Variants in IFT52 observed in about 807,000 individuals in gnomAD.
IFT52 encodes intraflagellar transport protein 52 homolog.
IFT52 carries 44 observed loss-of-function variants against 54.4 expected under a neutral mutation model. The observed-to-expected ratio is 0.81, with a 90% CI of 0.63 to 1.04. The LOEUF (loss-of-function observed/expected upper bound fraction) is 1.04, where lower values mean the gene tolerates loss of function less well. Ranked by LOEUF, IFT52 falls within the 50% of genes least tolerant of loss-of-function variation. The probability of loss-of-function intolerance (pLI) is 0.00; values close to 1 mark genes in which losing one functional copy is unlikely to be tolerated. For synonymous variants in IFT52, 181 were observed against 185.3 expected, an observed-to-expected ratio of 0.98 and a Z score of 0.19; for missense variants, 452 against 523.6, an observed-to-expected ratio of 0.86 and a Z score of 1.33.
chr20:43,624,451 A>G (rs1021800948), intron 10 of IFT52, among the ~76,000 whole-genome samples: 1 of 152,214 alleles, frequency 6.6e-6, no homozygotes, highest in African/African-American at 2.4e-5. Context: ...GAATGCAGGA[A>G]AAGGAATGAT....
intron 13 of IFT52, among the ~76,000 whole-genome samples, chr20:43,645,961 G>A (rs1379190606): frequency 6.8e-6 from 1 of 146,388 alleles, no homozygotes; most frequent in African/African-American, 2.5e-5. Flanking sequence ...TGTAATCCCA[G>A]CACTTTGGGA....
At chr20:43,612,544 T>C (rs1983538872) in intron 6 of IFT52, among the ~76,000 whole-genome samples, 3 of 151,592 alleles carry the variant, frequency 2.0e-5, no homozygotes, top group South Asian at 2.1e-4. Context: ...AATATAAAAA[T>C]TAGTAGGTGT....
intron 3 of IFT52, among the ~76,000 whole-genome samples, chr20:43,599,234 C>G: frequency 6.6e-6 from 1 of 152,114 alleles, no homozygotes; most frequent in East Asian, 1.9e-4. Context: ...ATCCACCTAG[C>G]GAAGCCAATG....
chr20:43,617,457 T>TTTTGA (rs1202598022), intron 7 of IFT52, among the ~76,000 whole-genome samples: 1 of 152,164 alleles, frequency 6.6e-6, no homozygotes, highest in Admixed American at 6.6e-5. Context: ...TGGTTTTTTT[T>TTTTGA]TTTTGAGACG....
Position 43,645,057 on chromosome 20 carries a change from A to G in IFT52, c.1267-1879A>G, listed in dbSNP as rs1467261745. Among the ~76,000 whole-genome samples the G allele has an allele frequency of 3.6e-5, 2 of 55,256 alleles. 1 individual carries two copies. Among genetic ancestry groups the G allele is most frequent in the Non-Finnish European group, 8.5e-5 (2 of 23,460 alleles). The allele number at this position is 55,256 out of a possible 152,430, so 36.3% of individuals were successfully genotyped here. A position where few individuals can be genotyped will look rare whatever the true frequency, so the allele number is the denominator to read the frequency against. ...GGGAGGCGGAGGTTGCAGTGAGCCA[A>G]GATTGCACCACTGTACTCCAACCTG... On this transcript the variant is annotated intron_variant, in intron 13 of 13. Transcript: ENST00000373030.
In IFT52 at chr20:43,622,105, C is replaced by T. The variant is rs571968666; in HGVS notation, c.768+1180C>T. On this transcript the variant is annotated intron_variant, in intron 9 of 13. Coordinates refer to ENST00000373030, the MANE Select transcript of IFT52 (RefSeq NM_016004.5). The stretch of plus-strand genomic sequence containing the variant: ...CTCTGAAATGTCAGGAAAATGATTT[C>T]CTGGCCATTGGTCATAGGAGGTAGG... Among the ~76,000 whole-genome samples, 83 of 152,248 alleles carry T rather than the reference C, an allele frequency of 5.5e-4. 1 individual carries two copies. Among genetic ancestry groups the T allele is most frequent in the Non-Finnish European group, 1.1e-3 (74 of 68,018 alleles).
intron 10 of IFT52, among the ~76,000 whole-genome samples, chr20:43,634,489 C>A (rs1438940679): frequency 2.0e-5 from 3 of 152,194 alleles, no homozygotes; most frequent in Admixed American, 2.0e-4. Flanking sequence ...AAATTAAATT[C>A]CATTAAAATA....
intron 3 of IFT52, among the ~76,000 whole-genome samples, chr20:43,600,804 C>T (rs1411382351): frequency 1.3e-5 from 2 of 151,936 alleles, no homozygotes; most frequent in African/African-American, 4.8e-5. Context: ...AACCTTGTCT[C>T]TACTGAAAAT....
intron 3 of IFT52, among the ~76,000 whole-genome samples, chr20:43,602,296 C>T (rs1249785565): frequency 3.3e-5 from 5 of 151,818 alleles, no homozygotes; most frequent in East Asian, 1.9e-4. Context: ...TCCCGAGTAG[C>T]GGGGATTACA....
intron 6 of IFT52, among the ~76,000 whole-genome samples, chr20:43,609,469 A>G (rs1983241493): frequency 6.6e-6 from 1 of 152,110 alleles, no homozygotes; most frequent in Non-Finnish European, 1.5e-5. Flanking sequence ...TAAAATTTTT[A>G]ATATTAAAAA....
intron 10 of IFT52, among the ~76,000 whole-genome samples, chr20:43,632,424 C>T (rs998765340): frequency 1.3e-5 from 2 of 151,838 alleles, no homozygotes; most frequent in Non-Finnish European, 2.9e-5. Flanking sequence ...CCACGCCCAG[C>T]TAATTTTTGT....
chr20:43,624,151 C>G (rs1984551571), intron 10 of IFT52, 106 bp downstream of exon 10: 1 of 1,203,662 alleles, frequency 8.3e-7, no homozygotes, highest in Non-Finnish European at 1.2e-6. Flanking sequence ...ATGTGGCATG[C>G]AGAACATGTT....
rs370273014 is a variant in IFT52, at chr20:43,626,691, G to A, written c.923+2646G>A. Among the ~76,000 whole-genome samples, 154 of 151,506 alleles carry A rather than the reference G, an allele frequency of 1.0e-3. 2 individuals are homozygous for A. In the South Asian group the frequency reaches 0.03, roughly 30 times the overall value. On this transcript the variant is annotated intron_variant, in intron 10 of 13. Coordinates refer to ENST00000373030, the MANE Select transcript of IFT52 (RefSeq NM_016004.5). ...AATTAGCATTTTTTTTCTTTCAATGGACCATAAATTATGATGCATCTTACC... is the reference window on the plus strand; with the variant it reads ...AATTAGCATTTTTTTTCTTTCAATGAACCATAAATTATGATGCATCTTACC...
At chr20:43,631,901 T>C (rs1985195314) in intron 10 of IFT52, among the ~76,000 whole-genome samples, 2 of 151,434 alleles carry the variant, frequency 1.3e-5, no homozygotes. Flanking sequence ...GCCCCTTCCC[T>C]GTCTCTTTCT....
rs533324138 is a variant in IFT52 at position 43,632,347 on chromosome 20, G to T, written c.924-3579G>T. The stretch of plus-strand genomic sequence containing the variant: ...GCAGTCTCGGTTCACTGCAACCTCC[G>T]CCTCCCGGGTTCAAGCAATTCTCCT... On this transcript the variant is annotated intron_variant, in intron 10 of 13. Transcript: ENST00000373030. Among the ~76,000 whole-genome samples, 3 of 150,564 alleles carry T rather than the reference G, an allele frequency of 2.0e-5. No homozygotes were observed. The East Asian group carries it at 5.9e-4, about 30-fold the overall frequency.
intron 10 of IFT52, among the ~76,000 whole-genome samples, chr20:43,624,608 C>G (rs914498604): frequency 6.6e-6 from 1 of 152,116 alleles, no homozygotes; most frequent in Non-Finnish European, 1.5e-5. Flanking sequence ...GGGAATTGGC[C>G]TTGAGACAGG....
intron 1 of IFT52, 38 bp from the exon 2 acceptor site, chr20:43,594,655 T>A (rs750368811): frequency 1.8e-6 from 2 of 1,111,376 alleles, no homozygotes; most frequent in Admixed American, 3.5e-5. Flanking sequence ...TTTGGAATAT[T>A]GTTTATTGAT....
intron 6 of IFT52, among the ~76,000 whole-genome samples, chr20:43,607,190 G>A (rs1383567978): frequency 6.9e-6 from 1 of 145,924 alleles, no homozygotes; most frequent in African/African-American, 2.7e-5. Flanking sequence ...CCTCCTGGAT[G>A]GGGCGGCTGG....
chr20:43,604,032 G>A (rs369038267), intron 4 of IFT52, 143 bp downstream of exon 4: 2 of 917,304 alleles, frequency 2.2e-6, no homozygotes, highest in African/African-American at 3.4e-5. Context: ...TCAGCAGTCT[G>A]AGCCTCCTAG....
Sources: gnomAD v4.1 joint callset for allele counts (sites outside exome capture counted in the v4.1 genomes callset) on GRCh38, gnomAD v4.1.1 for gene constraint, MANE v1.5 for transcripts, NCBI Gene and HGNC (gene_info 2026-07-23, HGNC 2026-07-21) for gene names.